The following ABCA3 variants were observed in gnomAD, a reference collection of about 807,000 sequenced individuals.
The protein encoded by ABCA3 is phospholipid-transporting ATPase ABCA3.
In ABCA3, 88 loss-of-function variants were observed where a neutral mutation model predicts 172.8. The observed-to-expected ratio is 0.51, with a 90% confidence interval of 0.43 to 0.61. ABCA3 has a LOEUF of 0.61. Ranked by LOEUF, ABCA3 falls within the 20% of genes least tolerant of loss-of-function variation. ABCA3 has a pLI of 0.00. For missense variants in ABCA3, 2,164 were observed against 2,301.0 expected, an observed-to-expected ratio of 0.94 and a Z score of 1.22; for synonymous variants, 1,066 against 983.8, an observed-to-expected ratio of 1.08 and a Z score of -1.56.
chr16:2,280,939 G>C (rs1357320712), intron 28 of ABCA3, 88 bp downstream of exon 28: 8 of 1,544,960 alleles, frequency 5.2e-6, no homozygotes, highest in Non-Finnish European at 7.1e-6. Context: ...CAGCTGTTTG[G>C]GGACAGCATC....
chr16:2,317,106 CCTT>C (rs1008681564), intron 10 of ABCA3, among the ~76,000 whole-genome samples, 174 bp downstream of exon 10: 1 of 152,192 alleles, frequency 6.6e-6, no homozygotes, highest in Non-Finnish European at 1.5e-5. Context: ...TCTGAATTCT[CCTT>C]CTCCCTAAAT....
intron 7 of ABCA3, among the ~76,000 whole-genome samples, chr16:2,321,981 T>C (rs992243581): frequency 6.6e-6 from 1 of 152,024 alleles, no homozygotes; most frequent in African/African-American, 2.4e-5. Flanking sequence ...GGGTGAATCA[T>C]GAGGTCAAGA....
chr16:2,303,859 C>T, intron 12 of ABCA3, 110 bp downstream of exon 12: 1 of 1,261,842 alleles, frequency 7.9e-7, no homozygotes, highest in Non-Finnish European at 1.1e-6. Flanking sequence ...TGTGTGCCAG[C>T]CCCACGCAGG....
chr16:2,300,094 T>C lies in ABCA3; in HGVS notation c.1522A>G (p.Ser508Gly), dbSNP rs1427861424. 1 of 1,613,696 alleles carries C rather than the reference T, an allele frequency of 6.2e-7. No homozygotes were observed. The highest frequency in any genetic ancestry group is 1.1e-5 in the South Asian group (1 of 91,042). ...RAVAGKEEED[S>G]DPEKALRNEY... ...TTTCTGAGTGCTTTCTCGGGGTCAC[T>C]GTCTTCTTCCTCCTTCCCTGCAACC... Residue 508 changes from serine to glycine, a missense_variant, in exon 13 of 33, where the codon AGT (serine) becomes GGT (glycine). Coordinates refer to ENST00000301732, the MANE Select transcript of ABCA3 (RefSeq NM_001089.3).
At chr16:2,325,980 C>T (rs571260163) in intron 5 of ABCA3, 30 bp downstream of exon 5, 137 of 1,611,552 alleles carry the variant, frequency 8.5e-5, no homozygotes, top group Admixed American at 5.7e-4. Context: ...CACCACTAGG[C>T]CTGGCACCGA....
intron 19 of ABCA3, among the ~76,000 whole-genome samples, chr16:2,290,623 T>C (rs548887997): frequency 6.6e-6 from 1 of 152,338 alleles, no homozygotes; most frequent in African/African-American, 2.4e-5. Context: ...GCTTCCTTCC[T>C]TCCTTCAACC....
Position 2,324,543 on chromosome 16 carries a change from G to A in ABCA3, c.320-12C>T. 6.2e-7 allele frequency: 1 copy of A among 1,608,144 alleles called. No homozygotes were observed. On this transcript the variant is annotated splice_polypyrimidine_tract_variant and intron_variant, in intron 5 of 32. Transcript: ENST00000301732. ...GGGAAAGCCGCGCACTGCAAAGAGA[G>A]AGCACGGGAGCTGTGGTTGCCCAAT... is the stretch of plus-strand genomic sequence containing the variant.
At position 2,278,033 on chromosome 16, in the gene ABCA3, G is replaced by A; in HGVS notation, c.4755C>T (p.Ala1585=). ...ACTTGAACTGCCCCTGCACCATGAT[G>A]GCCAGCCGGGTGCACAGGGCCTCAC... ...EECEALCTRL[A]IMVQGQFKCL... Residue 1585 remains alanine, a synonymous_variant, in exon 31 of 33, where the codon GCC becomes GCT. Transcript: ENST00000301732. The surrounding 1 kb of genome is among the most constrained non-coding windows in gnomAD (Gnocchi z 4.4). 1 of 1,613,428 alleles carries A rather than the reference G, an allele frequency of 6.2e-7. No individual in the cohort carries two copies. The highest frequency in any genetic ancestry group is 1.1e-5 in the South Asian group (1 of 91,080).
intron 20 of ABCA3, among the ~76,000 whole-genome samples, chr16:2,288,556 T>A (rs1303994928): frequency 1.3e-5 from 2 of 152,284 alleles, no homozygotes; most frequent in East Asian, 3.9e-4. Flanking sequence ...CCCTGCACGT[T>A]GGCACTATTT....
rs923490394 is a variant in ABCA3 at position 2,285,328 on chromosome 16, G to A, written c.3483+114C>T. The A allele has an allele frequency of 1.2e-5, 15 of 1,297,550 alleles. No homozygotes were observed. The highest frequency in any genetic ancestry group is 2.5e-4 in the Middle Eastern group (1 of 3,966). The allele number at this position is 1,297,550 out of a possible 1,614,324, so 80.4% of individuals were successfully genotyped here. On this transcript the variant is annotated intron_variant, in intron 23 of 32. Coordinates refer to ENST00000301732, the MANE Select transcript of ABCA3 (RefSeq NM_001089.3). The surrounding 1 kb of genome is among the most constrained non-coding windows in gnomAD (Gnocchi z 4.7). Reference sequence around the variant, plus strand: ...GGATTCCAGCTGTCCTCCCTGAGTCGGGCCGAGCTGCCGGCCTAGGGGCTG... The same window carrying A: ...GGATTCCAGCTGTCCTCCCTGAGTCAGGCCGAGCTGCCGGCCTAGGGGCTG...
intron 8 of ABCA3, among the ~76,000 whole-genome samples, chr16:2,318,332 A>G (rs2093719968): frequency 6.6e-6 from 1 of 152,086 alleles, no homozygotes; most frequent in Non-Finnish European, 1.5e-5. Context: ...TGCCCCACCA[A>G]GGAGTCAGGC....
rs2093678972 is a variant in ABCA3 at position 2,295,832 on chromosome 16, C to A, written c.2264-92G>T. On this transcript the variant is annotated intron_variant, in intron 17 of 32. Transcript: ENST00000301732. The stretch of plus-strand genomic sequence containing the variant: ...GTCTCTAGGGCTCACACCAGGCAAG[C>A]TGGTGGGAAGGAGGCTAGAGAACCG... The A allele has an allele frequency of 4.4e-6, 7 of 1,573,312 alleles. No homozygotes were observed. In the Admixed American group the frequency reaches 1.2e-4, roughly 27 times the overall value.
intron 10 of ABCA3, 129 bp downstream of exon 10, chr16:2,317,154 C>G (rs1567351042): frequency 2.9e-6 from 4 of 1,397,678 alleles, no homozygotes; most frequent in Non-Finnish European, 3.0e-6. Context: ...CCAACCTTCC[C>G]CTGGTCAGCT....
intron 10 of ABCA3, among the ~76,000 whole-genome samples, chr16:2,313,552 CA>C (rs56389139): frequency 0.025 from 1,579 of 61,928 alleles, 12 homozygotes; most frequent in African/African-American, 0.074. Flanking sequence ...GACTCTGTCA[CA>C]AAAAAAAAAA....
intron 7 of ABCA3, among the ~76,000 whole-genome samples, chr16:2,320,670 G>A (rs182726705): frequency 1.3e-5 from 2 of 152,036 alleles, no homozygotes; most frequent in African/African-American, 4.8e-5. Context: ...ATGCTGGGAT[G>A]ACAGGTGTGA....
In ABCA3 at chr16:2,284,565, C is replaced by T. The variant is rs912350290; in HGVS notation, c.3704-128G>A. The T allele has an allele frequency of 2.7e-5, 38 of 1,405,076 alleles. No homozygotes were observed. The highest frequency in any genetic ancestry group is 7.1e-5 in the African/African-American group (5 of 70,774). The allele number at this position is 1,405,076 out of a possible 1,614,324, so 87.0% of individuals were successfully genotyped here. On this transcript the variant is annotated intron_variant, in intron 24 of 32. Coordinates refer to ENST00000301732, the MANE Select transcript of ABCA3 (RefSeq NM_001089.3). This position sits in a 1 kb window ranked among gnomAD's most constrained non-coding sequence, Gnocchi z 5.9. ...GGAGTGAGGGGGCACCTCCCAGGGA[C>T]GCCCCTGCCGGCTCTGCACAGGGCA...
At position 2,276,656 on chromosome 16, in the gene ABCA3, C is replaced by T. The variant is rs762029342; in HGVS notation, c.*18G>A. ...TGCCCGTCCTGTCCCTGCCTGATGG[C>T]GAGACAGCCGCCACCCCTCATCGCC... On this transcript the variant is annotated 3_prime_UTR_variant, in exon 33 of 33. Transcript: ENST00000301732. 4.3e-5 allele frequency: 70 copies of T among 1,611,626 alleles called. No homozygotes were observed. The highest frequency in any genetic ancestry group is 4.3e-4 in the South Asian group (39 of 91,064).
chr16:2,279,111 T>C lies in ABCA3; in HGVS notation c.4379A>G (p.Tyr1460Cys), dbSNP rs746301269. Residue 1460 changes from tyrosine (Y) to cysteine (C), a missense_variant, in exon 29 of 33, where the codon TAC becomes TGC. Coordinates refer to ENST00000301732, the MANE Select transcript of ABCA3 (RefSeq NM_001089.3). The surrounding 1 kb of genome is among the most constrained non-coding windows in gnomAD (Gnocchi z 4.4). ...DVGKVRQRIGYCPQFDALLDH... is the reference protein window; with the variant it reads ...DVGKVRQRIGCCPQFDALLDH... Reference sequence around the variant, plus strand: ...CAGCAAGGCATCAAACTGCGGGCAGTAGCCGATCCGCTGCCGCACCTGGGG... The same window carrying C: ...CAGCAAGGCATCAAACTGCGGGCAGCAGCCGATCCGCTGCCGCACCTGGGG... 2 of 1,611,794 alleles carry C rather than the reference T, an allele frequency of 1.2e-6. No homozygotes were observed. The highest frequency in any genetic ancestry group is 2.2e-5 in the East Asian group (1 of 44,876).
In ABCA3 at chr16:2,292,127, C is replaced by A. The variant is rs538767896; in HGVS notation, c.2513+13G>T. 6 of 1,604,438 alleles carry A rather than the reference C, an allele frequency of 3.7e-6. No individual in the cohort carries two copies. Among genetic ancestry groups the A allele is most frequent in the Non-Finnish European group, 5.1e-6 (6 of 1,171,694 alleles). Reference sequence around the variant, plus strand: ...GCCCAGTCCTAGGTGGACGGAAATGCGCATTTACTGACCGAAGGAAGACTT... The same window carrying A: ...GCCCAGTCCTAGGTGGACGGAAATGAGCATTTACTGACCGAAGGAAGACTT... On this transcript the variant is annotated intron_variant, in intron 19 of 32. Coordinates refer to ENST00000301732, the MANE Select transcript of ABCA3 (RefSeq NM_001089.3).
Sources: gnomAD v4.1 joint callset for allele counts (sites outside exome capture counted in the v4.1 genomes callset) on GRCh38, gnomAD v4.1.1 for gene constraint, Gnocchi (gnomAD v3.1) non-coding constraint, MANE v1.5 for transcripts, NCBI Gene and HGNC (gene_info 2026-07-23, HGNC 2026-07-21) for gene names.